Variants in DYNC2H1 observed in about 807,000 individuals in gnomAD.
The protein encoded by DYNC2H1 is dynein cytoplasmic 2 heavy chain 1, also known as cytoplasmic dynein 2 heavy chain 1.
Under a neutral mutation model 570.0 loss-of-function variants are expected in DYNC2H1, and 410 were observed. The observed-to-expected ratio is 0.72, with a 90% confidence interval of 0.66 to 0.78. The LOEUF (loss-of-function observed/expected upper bound fraction) is 0.78, where lower values mean the gene tolerates loss of function less well. DYNC2H1 is among the 30% of genes least tolerant of loss of function. The pLI is 0.00. For missense variants in DYNC2H1, 4,865 were observed against 5,046.4 expected (o/e 0.96, Z 1.09); for synonymous variants, 1,688 against 1,677.6 (o/e 1.01, Z -0.15).
rs918185704 is a variant in DYNC2H1 at position 103,201,644 on chromosome 11, C to T, written c.8197+1490C>T. Among the ~76,000 whole-genome samples, 3 of 152,190 alleles carry T rather than the reference C, an allele frequency of 2.0e-5. No individual in the cohort carries two copies. The highest frequency in any genetic ancestry group is 4.8e-5 in the African/African-American group (2 of 41,458). ...ACCTGAACTAAGAACTGTTGCTACTCTTCTCCTGTGGCTCTGTCCCCAGCA... is the reference window on the plus strand; with the variant it reads ...ACCTGAACTAAGAACTGTTGCTACTTTTCTCCTGTGGCTCTGTCCCCAGCA... On this transcript the variant is annotated intron_variant, in intron 50 of 88. Coordinates refer to ENST00000375735, the MANE Select transcript of DYNC2H1 (RefSeq NM_001377.3). The surrounding 1 kb of genome is among the most constrained non-coding windows in gnomAD (Gnocchi z 4.8).
chr11:103,322,266 A>C (rs1420450022), intron 81 of DYNC2H1, among the ~76,000 whole-genome samples: 1 of 152,112 alleles, frequency 6.6e-6, no homozygotes, highest in Non-Finnish European at 1.5e-5. Flanking sequence ...ATTACTATAC[A>C]TTTAACTCAG....
intron 74 of DYNC2H1, 61 bp downstream of exon 74, chr11:103,286,447 G>A: frequency 1.3e-6 from 2 of 1,565,900 alleles, no homozygotes; most frequent in East Asian, 2.2e-5. Context: ...TTATTCAGAA[G>A]CCATTTAAAG....
intron 20 of DYNC2H1, 60 bp from the exon 21 acceptor site, chr11:103,152,076 C>A (rs1282934142): frequency 1.7e-5 from 24 of 1,397,260 alleles, no homozygotes; most frequent in Middle Eastern, 2.5e-4. Context: ...TAAATGAAAT[C>A]TTAAGAGATT....
At position 103,133,606 on chromosome 11, in the gene DYNC2H1, A is replaced by G. The variant is rs189533535; in HGVS notation, c.2005A>G (p.Lys669Glu). Residue 669 changes from lysine to glutamate, a missense_variant, in exon 14 of 89, where the codon AAA becomes GAA. By Grantham distance (56) the Lys-to-Glu change is moderately conservative (BLOSUM62 1). Transcript: ENST00000375735. This position sits in a 1 kb window ranked among gnomAD's most constrained non-coding sequence, Gnocchi z 4.8. ...ATCACAGATAACTTGGGATAATCCTAAAGAATTAGAAGGCTATATCCAAAA... is the reference window on the plus strand; with the variant it reads ...ATCACAGATAACTTGGGATAATCCTGAAGAATTAGAAGGCTATATCCAAAA... ...GKSQITWDNP[K>E]ELEGYIQKLQ... 84 of 1,611,560 alleles carry G rather than the reference A, an allele frequency of 5.2e-5. 1 individual carries two copies. In the East Asian group the frequency reaches 1.6e-3, roughly 31 times the overall value.
chr11:103,440,653 A>G (rs1944234485), intron 85 of DYNC2H1, among the ~76,000 whole-genome samples: 1 of 152,190 alleles, frequency 6.6e-6, no homozygotes, highest in Non-Finnish European at 1.5e-5. Flanking sequence ...ACAACTAAAT[A>G]AGCAATAACA....
At chr11:103,327,016 C>G (rs1342642388) in intron 82 of DYNC2H1, among the ~76,000 whole-genome samples, 1 of 152,190 alleles carries the variant, frequency 6.6e-6, no homozygotes, top group Non-Finnish European at 1.5e-5. Context: ...TTCCATAGGT[C>G]CAAGGTGAGG....
chr11:103,325,967 C>T lies in DYNC2H1; in HGVS notation c.12039+1977C>T, dbSNP rs1473251876. On this transcript the variant is annotated intron_variant, in intron 82 of 88. Coordinates refer to ENST00000375735, the MANE Select transcript of DYNC2H1 (RefSeq NM_001377.3). This position sits in a 1 kb window ranked among gnomAD's most constrained non-coding sequence, Gnocchi z 4.8. ...TTCTCATCTGGTGGGGCTGGCGTTC[C>T]TTTAACTCTGATGCAAGTTGGGTGC... Among the ~76,000 whole-genome samples, 2 of 152,078 alleles carry T rather than the reference C, an allele frequency of 1.3e-5. No homozygotes were observed. Among genetic ancestry groups the T allele is most frequent in the Non-Finnish European group, 2.9e-5 (2 of 68,032 alleles).
At chr11:103,193,026 A>G (rs1298552545) in intron 47 of DYNC2H1, among the ~76,000 whole-genome samples, 1 of 152,188 alleles carries the variant, frequency 6.6e-6, no homozygotes, top group East Asian at 1.9e-4. Context: ...ATATACATTT[A>G]GTATATTGTA....
rs1482690763 is a variant in DYNC2H1, at chr11:103,145,801, G to A, written c.2703-1971G>A. 2.0e-5 allele frequency among the ~76,000 whole-genome samples: 3 copies of A among 152,116 alleles called. No individual in the cohort carries two copies. The highest frequency in any genetic ancestry group is 7.2e-5 in the African/African-American group (3 of 41,432). On this transcript the variant is annotated intron_variant, in intron 18 of 88. Transcript: ENST00000375735. This position sits in a 1 kb window ranked among gnomAD's most constrained non-coding sequence, Gnocchi z 4.2. ...AATATGCATCTTTGATATATAATGAGTCATCTTCCATTTCTATCTATGGCT... is the reference window on the plus strand; with the variant it reads ...AATATGCATCTTTGATATATAATGAATCATCTTCCATTTCTATCTATGGCT...
At chr11:103,478,069 T>C (rs79458470) in intron 88 of DYNC2H1, among the ~76,000 whole-genome samples, 1 of 142,296 alleles carries the variant, frequency 7.0e-6, no homozygotes, top group Admixed American at 7.1e-5. Flanking sequence ...AAAGTTCCCC[T>C]GAGCGAAGAC....
chr11:103,210,952 A>G lies in DYNC2H1; in HGVS notation c.8540-837A>G, dbSNP rs542417339. Among the ~76,000 whole-genome samples, 10 of 152,194 alleles carry G rather than the reference A, an allele frequency of 6.6e-5. No individual in the cohort carries two copies. The East Asian group carries it at 1.9e-3, about 29-fold the overall frequency. ...AGATTTTACCAGAATTTCATTTTAGAAACAAATATCTTTATATATCCCTTT... is the reference window on the plus strand; with the variant it reads ...AGATTTTACCAGAATTTCATTTTAGGAACAAATATCTTTATATATCCCTTT... On this transcript the variant is annotated intron_variant, in intron 53 of 88. Coordinates refer to ENST00000375735, the MANE Select transcript of DYNC2H1 (RefSeq NM_001377.3).
At chr11:103,448,316 A>C (rs1261272976) in intron 85 of DYNC2H1, among the ~76,000 whole-genome samples, 1 of 152,114 alleles carries the variant, frequency 6.6e-6, no homozygotes, top group Admixed American at 6.6e-5. Flanking sequence ...TTCTGTGTAT[A>C]AATTAGTGTG....
chr11:103,425,870 A>G (rs1943652540), intron 84 of DYNC2H1, among the ~76,000 whole-genome samples: 1 of 151,928 alleles, frequency 6.6e-6, no homozygotes, highest in African/African-American at 2.4e-5. Context: ...TATAAATTTC[A>G]TTATATACAT....
chr11:103,235,803 T>C lies in DYNC2H1; in HGVS notation c.9699T>C (p.Ala3233=). Residue 3233 remains alanine, a synonymous_variant, in exon 62 of 89, where the codon GCT becomes GCC. Coordinates refer to ENST00000375735, the MANE Select transcript of DYNC2H1 (RefSeq NM_001377.3). ...KTCLEEWTKS[A]GLEKFDLRRF... is the part of the protein sequence containing the mutation. ...GTTTGGAAGAATGGACCAAGTCAGC[T>C]GGTCTTGAGAGTTTGTATTTAGTTA... The C allele has an allele frequency of 6.2e-7, 1 of 1,611,250 alleles. No individual in the cohort carries two copies. The highest frequency in any genetic ancestry group is 8.5e-7 in the Non-Finnish European group (1 of 1,178,140).
At position 103,186,307 on chromosome 11, in the gene DYNC2H1, T is replaced by TA; in HGVS notation, c.6700dup (p.Thr2234AsnfsTer2). On this transcript the variant is annotated frameshift_variant, in exon 42 of 89. Coordinates refer to ENST00000375735, the MANE Select transcript of DYNC2H1 (RefSeq NM_001377.3). LOFTEE classifies it high-confidence loss of function. This position sits in a 1 kb window ranked among gnomAD's most constrained non-coding sequence, Gnocchi z 4.5. The stretch of plus-strand genomic sequence containing the variant: ...AACCTATGGATACCTACTATGACTC[T>TA]ACTAGGGGTCGATTAGCAACATATG... 9 of 1,612,614 alleles carry TA rather than the reference T, an allele frequency of 5.6e-6. No homozygotes were observed. Among genetic ancestry groups the TA allele is most frequent in the Non-Finnish European group, 7.6e-6 (9 of 1,179,104 alleles).
chr11:103,479,504 C>T lies in DYNC2H1; in HGVS notation c.*251C>T. On this transcript the variant is annotated 3_prime_UTR_variant, in exon 89 of 89. Transcript: ENST00000375735. ...TTAAATATTTCTGTGAGAAAGTTCACTTTTCCAGTGGCTCAAAAATTTGTT... is the reference window on the plus strand; with the variant it reads ...TTAAATATTTCTGTGAGAAAGTTCATTTTTCCAGTGGCTCAAAAATTTGTT... 1 of 312,538 alleles carries T rather than the reference C, an allele frequency of 3.2e-6. No homozygotes were observed. The highest frequency in any genetic ancestry group is 6.2e-5 in the East Asian group (1 of 16,010). 19.4% of individuals were successfully genotyped at this position (312,538 alleles called of 1,614,324 possible).
rs1334253876 is a variant in DYNC2H1, at chr11:103,369,787, C to T, written c.12156+11428C>T. Among the ~76,000 whole-genome samples the T allele has an allele frequency of 1.3e-5, 2 of 152,282 alleles. No homozygotes were observed. The highest frequency in any genetic ancestry group is 6.5e-5 in the Admixed American group (1 of 15,298). On this transcript the variant is annotated intron_variant, in intron 83 of 88. Transcript: ENST00000375735. The surrounding 1 kb of genome is among the most constrained non-coding windows in gnomAD (Gnocchi z 4.0). ...TTCATCACCTGCTAACTGAAGATCC[C>T]TTGTGCCCTGCATAACCAGCAGCAA...
intron 43 of DYNC2H1, among the ~76,000 whole-genome samples, chr11:103,188,253 T>C (rs1033381495): frequency 6.6e-6 from 1 of 152,028 alleles, no homozygotes; most frequent in Non-Finnish European, 1.5e-5. Context: ...CATTTTAGTG[T>C]TTATTAGAGA....
chr11:103,454,859 G>T (rs1372789122), intron 85 of DYNC2H1: 3 of 199,332 alleles, frequency 1.5e-5, no homozygotes, highest in Non-Finnish European at 3.0e-5. Flanking sequence ...AGGCCTGGAT[G>T]CTCAGTATTT....
Sources: allele counts gnomAD v4.1 joint callset (sites outside exome capture counted in the v4.1 genomes callset), GRCh38; gene constraint gnomAD v4.1.1; non-coding constraint Gnocchi (gnomAD v3.1); transcripts MANE v1.5; gene names NCBI Gene and HGNC (gene_info 2026-07-23, HGNC 2026-07-21).